EPC2: variants seen among roughly 807,000 people sequenced by gnomAD.
EPC2 encodes enhancer of polycomb 2.
Under a neutral mutation model 92.1 loss-of-function variants are expected in EPC2, and 14 were observed. The observed-to-expected ratio is 0.15, with a 90% CI of 0.10 to 0.24. The LOEUF (loss-of-function observed/expected upper bound fraction) is 0.24. Ranked by LOEUF, EPC2 falls within the 10% of genes least tolerant of loss-of-function variation. The pLI is 1.00. For missense variants in EPC2, 755 were observed against 971.5 expected (o/e 0.78, Z 2.96); for synonymous variants, 340 against 334.7 (o/e 1.02, Z -0.17).
At chr2:148,696,442 A>C (rs1479082199) in intron 2 of EPC2, among the ~76,000 whole-genome samples, 1 of 152,252 alleles carries the variant, frequency 6.6e-6, no homozygotes, top group Non-Finnish European at 1.5e-5. Context: ...AAAAAAAGGC[A>C]TTTGCAGTGA....
chr2:148,708,366 A>G (rs1432636761), intron 2 of EPC2, among the ~76,000 whole-genome samples: 2 of 152,152 alleles, frequency 1.3e-5, no homozygotes, highest in Admixed American at 1.3e-4. Context: ...CCTACCAACC[A>G]AAAAAAGTCC....
intron 10 of EPC2, among the ~76,000 whole-genome samples, chr2:148,772,245 C>T (rs1402803026): frequency 6.6e-6 from 1 of 152,042 alleles, no homozygotes; most frequent in Admixed American, 6.6e-5. Flanking sequence ...ATCTAGGGTA[C>T]ACTTTTGATT....
At chr2:148,663,407 A>C (rs961248142) in intron 1 of EPC2, among the ~76,000 whole-genome samples, 7 of 150,896 alleles carry the variant, frequency 4.6e-5, no homozygotes, top group Non-Finnish European at 1.0e-4. Context: ...TTTAGTAGAG[A>C]CAGGGTTTCA....
chr2:148,672,575 A>C (rs1463586189), intron 1 of EPC2, among the ~76,000 whole-genome samples: 1 of 152,206 alleles, frequency 6.6e-6, no homozygotes, highest in African/African-American at 2.4e-5. Flanking sequence ...ACTTAAAAGC[A>C]ATTTATTTTT....
chr2:148,771,308 A>G lies in EPC2; in HGVS notation c.1641A>G (p.Lys547=). 1 of 1,613,890 alleles carries G rather than the reference A, an allele frequency of 6.2e-7. No homozygotes were observed. The highest frequency in any genetic ancestry group is 8.5e-7 in the Non-Finnish European group (1 of 1,179,852). The change falls in exon 10 of 14, where the codon AAA becomes AAG. Residue 547 remains lysine, a synonymous_variant. Transcript: ENST00000258484. ...ATAGTGAAGAATGTACCTCAAGAAA[A>G]CCAGGGCAGACTGTGAACAATAAAA... The part of the protein sequence containing the change: ...DSDSEECTSR[K]PGQTVNNKRV...
intron 2 of EPC2, among the ~76,000 whole-genome samples, chr2:148,696,860 C>G (rs1681757094): frequency 6.6e-6 from 1 of 152,188 alleles, no homozygotes; most frequent in South Asian, 2.1e-4. Context: ...TCATCTTACT[C>G]AGTAACATAA....
rs1377811442 is a variant in EPC2, at chr2:148,769,141, T to C, written c.1141-10T>C. ...TGATAACTTCTAAATGGAATGCCTC[T>C]TTTGTCTAGGTATTGTCCCCAGTAT... On this transcript the variant is annotated splice_polypyrimidine_tract_variant and intron_variant, in intron 7 of 13. Coordinates refer to ENST00000258484, the MANE Select transcript of EPC2 (RefSeq NM_015630.4). 1 of 1,601,586 alleles carries C rather than the reference T, an allele frequency of 6.2e-7. No individual in the cohort carries two copies. The highest frequency in any genetic ancestry group is 8.5e-7 in the Non-Finnish European group (1 of 1,170,844).
At position 148,765,202 on chromosome 2, in the gene EPC2, AT is replaced by A. The variant is rs1212409061; in HGVS notation, c.1140+61del. 5.6e-5 allele frequency: 71 copies of A among 1,269,062 alleles called. 2 individuals are homozygous for A. The Middle Eastern group carries it at 1.4e-3, about 25-fold the overall frequency. 78.6% of individuals were successfully genotyped at this position (1,269,062 alleles called of 1,614,324 possible). ...TCTTCTTAGTATTTTATATTGCTATATTTTTAAAACAATTGCTATCTTAGAG... is the reference window on the plus strand; with the variant it reads ...TCTTCTTAGTATTTTATATTGCTATATTTTAAAACAATTGCTATCTTAGAG... On this transcript the variant is annotated intron_variant, in intron 7 of 13. Transcript: ENST00000258484.
intron 1 of EPC2, among the ~76,000 whole-genome samples, chr2:148,656,025 G>GTGTGTGTGT (rs551078218): frequency 1.6e-4 from 16 of 103,178 alleles, no homozygotes; most frequent in Admixed American, 5.3e-4. Context: ...GTGTGTGTGT[G>GTGTGTGTGT]GGGGGGGGGG....
intron 7 of EPC2, among the ~76,000 whole-genome samples, chr2:148,765,373 T>C (rs1236807756): frequency 6.6e-6 from 1 of 152,196 alleles, no homozygotes; most frequent in Non-Finnish European, 1.5e-5. Context: ...GGTTTTTAGT[T>C]TTTCCATTTA....
At chr2:148,708,476 C>T (rs547549958) in intron 2 of EPC2, among the ~76,000 whole-genome samples, 116 of 152,298 alleles carry the variant, frequency 7.6e-4, no homozygotes, top group Non-Finnish European at 1.4e-3. Flanking sequence ...AAGAGGGAAT[C>T]CTCTCTAACT....
At chr2:148,663,202 A>ATTG (rs1323251148) in intron 1 of EPC2, among the ~76,000 whole-genome samples, 1 of 141,246 alleles carries the variant, frequency 7.1e-6, no homozygotes, top group Non-Finnish European at 1.5e-5. Flanking sequence ...TTGTATTATT[A>ATTG]TTATTATTAT....
intron 2 of EPC2, among the ~76,000 whole-genome samples, chr2:148,720,247 G>A (rs953685515): frequency 6.6e-6 from 1 of 152,206 alleles, no homozygotes; most frequent in Admixed American, 6.5e-5. Flanking sequence ...GTGCCACTGG[G>A]GGGACCCTTT....
At chr2:148,650,466 C>T (rs1234559910) in intron 1 of EPC2, among the ~76,000 whole-genome samples, 2 of 152,018 alleles carry the variant, frequency 1.3e-5, no homozygotes, top group African/African-American at 2.4e-5. Context: ...AAATCTTTAT[C>T]TTGTTTTAAG....
chr2:148,690,246 G>A lies in EPC2; in HGVS notation c.186G>A (p.Gln62=). The A allele has an allele frequency of 6.2e-7, 1 of 1,606,634 alleles. No individual in the cohort carries two copies. The highest frequency in any genetic ancestry group is 8.5e-7 in the Non-Finnish European group (1 of 1,177,926). Residue 62 remains glutamine, a synonymous_variant, in exon 2 of 14, where the codon CAG becomes CAA. Transcript: ENST00000258484. ...ATTTACAGCGAGCAATTTCAGCACA[G>A]CAAGTGTTTAGAGAAAAAAAAGAGA... ...EHHLQRAISA[Q]QVFREKKESM... is the part of the protein sequence containing the mutation.
chr2:148,660,950 T>C (rs1323152935), intron 1 of EPC2, among the ~76,000 whole-genome samples: 1 of 152,098 alleles, frequency 6.6e-6, no homozygotes, highest in African/African-American at 2.4e-5. Context: ...AGATTATTAA[T>C]TGTTTATTAT....
intron 2 of EPC2, among the ~76,000 whole-genome samples, chr2:148,703,116 A>G (rs1681921866): frequency 6.6e-6 from 1 of 152,234 alleles, no homozygotes; most frequent in Non-Finnish European, 1.5e-5. Flanking sequence ...GCCATGCATT[A>G]TCTCAAAATG....
At chr2:148,695,057 C>T (rs933282582) in intron 2 of EPC2, among the ~76,000 whole-genome samples, 2 of 152,224 alleles carry the variant, frequency 1.3e-5, no homozygotes, top group Admixed American at 6.5e-5. Context: ...GGATTACAGG[C>T]GTGAGCCATC....
Position 148,644,881 on chromosome 2 carries a change from G to C in EPC2, c.-137G>C. The stretch of plus-strand genomic sequence containing the variant: ...GGGGTGGGCGCCCATGCTGTGGCCG[G>C]GGGCAGTGAGGAGGAGGAGGAGCGG... On this transcript the variant is annotated 5_prime_UTR_variant, in exon 1 of 14. Coordinates refer to ENST00000258484, the MANE Select transcript of EPC2 (RefSeq NM_015630.4). The C allele has an allele frequency of 1.4e-6, 1 of 728,520 alleles. No individual in the cohort carries two copies. Among genetic ancestry groups the C allele is most frequent in the Non-Finnish European group, 2.2e-6 (1 of 452,440 alleles). The allele number at this position is 728,520 out of a possible 1,614,324, so 45.1% of individuals were successfully genotyped here.
Sources: gnomAD v4.1 joint callset for allele counts (sites outside exome capture counted in the v4.1 genomes callset) on GRCh38, gnomAD v4.1.1 for gene constraint, MANE v1.5 for transcripts, NCBI Gene and HGNC (gene_info 2026-07-23, HGNC 2026-07-21) for gene names.